The following AP3B1 variants were observed in gnomAD, a reference collection of about 807,000 sequenced individuals.
AP3B1 encodes adaptor related protein complex 3 subunit beta 1, also known as AP-3 complex subunit beta-1.
A neutral mutation model predicts 132.5 loss-of-function variants in AP3B1; 61 were observed. That is an observed-to-expected ratio of 0.46 (90% CI 0.37 to 0.57). The LOEUF is 0.57. Among genes scored for constraint, AP3B1 ranks in the 20% least tolerant of loss-of-function variants. The pLI, the probability that AP3B1 is intolerant of heterozygous loss-of-function variation, is 0.00. For missense variants in AP3B1, 1,120 were observed against 1,289.4 expected (o/e 0.87, Z 2.01); for synonymous variants, 388 against 438.3 (o/e 0.89, Z 1.43).
intron 17 of AP3B1, among the ~76,000 whole-genome samples, chr5:78,123,662 C>A (rs1473259237): frequency 2.6e-5 from 4 of 152,048 alleles, no homozygotes; most frequent in Non-Finnish European, 4.4e-5. Context: ...CATCTCACAC[C>A]AGTTAGAATG....
At chr5:78,145,848 G>A (rs973209963) in intron 14 of AP3B1, among the ~76,000 whole-genome samples, 2 of 152,132 alleles carry the variant, frequency 1.3e-5, no homozygotes, top group Non-Finnish European at 1.5e-5. Context: ...GTGGGAAGAG[G>A]TCTTGCTATC....
At chr5:78,130,867 AT>A (rs201187964) in intron 15 of AP3B1, among the ~76,000 whole-genome samples, 1 of 151,930 alleles carries the variant, frequency 6.6e-6, no homozygotes, top group African/African-American at 2.4e-5. Flanking sequence ...AATTGCAATG[AT>A]TTTTTTGAGC....
chr5:78,207,132 C>T (rs1745539768), intron 7 of AP3B1, among the ~76,000 whole-genome samples: 1 of 151,842 alleles, frequency 6.6e-6, no homozygotes. Flanking sequence ...GTGGCAGGCA[C>T]CTGTAATCCC....
chr5:78,169,620 G>T (rs1007112030), intron 11 of AP3B1, among the ~76,000 whole-genome samples: 8 of 152,020 alleles, frequency 5.3e-5, no homozygotes, highest in Non-Finnish European at 8.8e-5. Flanking sequence ...AAGAGACAGA[G>T]TCTCACTATG....
At chr5:78,048,069 A>C (rs1214134273) in intron 22 of AP3B1, among the ~76,000 whole-genome samples, 1 of 152,232 alleles carries the variant, frequency 6.6e-6, no homozygotes, top group Non-Finnish European at 1.5e-5. Context: ...GAATCTGCGC[A>C]ATGGTGCCAT....
intron 2 of AP3B1, among the ~76,000 whole-genome samples, chr5:78,256,775 A>G (rs929627426): frequency 7.2e-5 from 11 of 152,122 alleles, no homozygotes; most frequent in African/African-American, 2.7e-4. Context: ...CCTCAACAAA[A>G]TGCTAGAAAG....
rs189056893 is a variant in AP3B1 at position 78,193,613 on chromosome 5, A to G, written c.787-11951T>C. Reference sequence around the variant, plus strand: ...TTTTTAGAAATATTCTGTTTTTAGTAGAACTGCTTAATCTTCTGAGCTTAT... The same window carrying G: ...TTTTTAGAAATATTCTGTTTTTAGTGGAACTGCTTAATCTTCTGAGCTTAT... On this transcript the variant is annotated intron_variant, in intron 7 of 26. Coordinates refer to ENST00000255194, the MANE Select transcript of AP3B1 (RefSeq NM_003664.5). Among the ~76,000 whole-genome samples the G allele has an allele frequency of 3.7e-3, 559 of 149,300 alleles. 4 individuals are homozygous for G. The highest frequency in any genetic ancestry group is 7.4e-3 in the Middle Eastern group (2 of 270).
chr5:78,237,949 A>G (rs1310373561), intron 3 of AP3B1, among the ~76,000 whole-genome samples: 2 of 152,218 alleles, frequency 1.3e-5, no homozygotes, highest in African/African-American at 2.4e-5. Flanking sequence ...ACTTACACAA[A>G]CCTACATGGT....
intron 22 of AP3B1, among the ~76,000 whole-genome samples, chr5:78,084,618 C>T (rs1407124147): frequency 6.6e-6 from 1 of 151,082 alleles, no homozygotes; most frequent in African/African-American, 2.4e-5. Flanking sequence ...AAGGAATCCT[C>T]GTCATTCATA....
chr5:78,247,438 AT>A (rs1747424475), intron 2 of AP3B1, among the ~76,000 whole-genome samples: 1 of 151,246 alleles, frequency 6.6e-6, no homozygotes, highest in South Asian at 2.1e-4. Flanking sequence ...TATTCTATTG[AT>A]TTTTAAGAAA....
rs1392871853 is a variant in AP3B1, at chr5:78,002,914, C to G, written c.3273G>C (p.Leu1091=). Residue 1091 remains leucine (L), a synonymous_variant, in exon 27 of 27, where the codon CTG becomes CTC. Transcript: ENST00000255194. ...SVLLRELKPV[L]SQG The stretch of plus-strand genomic sequence containing the variant: ...AGATGTAAGCAGGTTACCCCTGAGA[C>G]AGGACAGGCTTCAGTTCCCGCAGCA... 6.2e-7 allele frequency: 1 copy of G among 1,614,056 alleles called. No homozygotes were observed. The highest frequency in any genetic ancestry group is 8.5e-7 in the Non-Finnish European group (1 of 1,180,038).
intron 22 of AP3B1, among the ~76,000 whole-genome samples, chr5:78,070,332 A>G (rs1344677547): frequency 6.6e-6 from 1 of 151,442 alleles, no homozygotes; most frequent in Non-Finnish European, 1.5e-5. Flanking sequence ...GCTTGAACCC[A>G]GGAGGCAGAG....
intron 3 of AP3B1, among the ~76,000 whole-genome samples, chr5:78,230,987 G>A (rs1746624768): frequency 6.6e-6 from 1 of 151,792 alleles, no homozygotes; most frequent in South Asian, 2.1e-4. Flanking sequence ...AGGTGTATTG[G>A]CCCATGCCTG....
At chr5:78,104,730 T>C (rs1442617853) in intron 20 of AP3B1, among the ~76,000 whole-genome samples, 2 of 152,168 alleles carry the variant, frequency 1.3e-5, no homozygotes, top group Non-Finnish European at 2.9e-5. Context: ...AAGATCTTTA[T>C]TGCCAAAATC....
intron 17 of AP3B1, among the ~76,000 whole-genome samples, chr5:78,116,796 C>T (rs1031710075): frequency 6.6e-6 from 1 of 152,060 alleles, no homozygotes; most frequent in Non-Finnish European, 1.5e-5. Context: ...CTGGACTACT[C>T]GTTACCTTGC....
intron 7 of AP3B1, among the ~76,000 whole-genome samples, chr5:78,183,014 A>C (rs1182464772): frequency 6.6e-6 from 1 of 152,228 alleles, no homozygotes; most frequent in East Asian, 1.9e-4. Context: ...GTGCATAGTC[A>C]GGACTTGCAG....
chr5:78,215,439 TA>T (rs959415008), intron 7 of AP3B1, among the ~76,000 whole-genome samples: 8 of 151,804 alleles, frequency 5.3e-5, no homozygotes, highest in Admixed American at 1.3e-4. Context: ...AAGGCATACT[TA>T]AAAAAAAGAA....
At chr5:78,016,244 A>G (rs1746849232) in intron 25 of AP3B1, among the ~76,000 whole-genome samples, 1 of 152,128 alleles carries the variant, frequency 6.6e-6, no homozygotes, top group Non-Finnish European at 1.5e-5. Flanking sequence ...CATTTCAAAT[A>G]ATATTTAGGA....
intron 22 of AP3B1, among the ~76,000 whole-genome samples, chr5:78,086,910 GAA>G (rs1345459057): frequency 1.3e-5 from 2 of 151,988 alleles, no homozygotes; most frequent in Admixed American, 6.5e-5. Flanking sequence ...CTTTGGTGCA[GAA>G]AAACTGTTCA....
Sources: gnomAD v4.1 joint callset for allele counts (sites outside exome capture counted in the v4.1 genomes callset) on GRCh38, gnomAD v4.1.1 for gene constraint, MANE v1.5 for transcripts, NCBI Gene and HGNC (gene_info 2026-07-23, HGNC 2026-07-21) for gene names.